The following POLE variants were observed in gnomAD, a reference collection of about 807,000 sequenced individuals.
The protein encoded by POLE is DNA polymerase epsilon catalytic subunit A.
POLE carries 188 observed loss-of-function variants against 279.2 expected under a neutral mutation model. The observed-to-expected ratio is 0.67, with a 90% CI of 0.60 to 0.76. The LOEUF (loss-of-function observed/expected upper bound fraction) is 0.76. Among genes scored for constraint, POLE ranks in the 30% least tolerant of loss-of-function variants. The pLI is 0.00. For missense variants in POLE, 2,703 were observed against 3,016.7 expected, an observed-to-expected ratio of 0.90 and a Z score of 2.44; for synonymous variants, 1,214 against 1,172.5, an observed-to-expected ratio of 1.04 and a Z score of -0.72.
intron 1 of POLE, among the ~76,000 whole-genome samples, chr12:132,685,343 T>C (rs2043236279): frequency 1.3e-5 from 2 of 151,838 alleles, no homozygotes; most frequent in African/African-American, 4.8e-5. Context: ...AGAGCTACCA[T>C]TGACTGGTTA....
At chr12:132,638,877 T>C (rs775962113) in intron 40 of POLE, 7 of 525,572 alleles carry the variant, frequency 1.3e-5, no homozygotes, top group Non-Finnish European at 1.7e-5. Context: ...ATACAATGTG[T>C]AGCATGACTT....
rs778320209 is a variant in POLE at position 132,675,705 on chromosome 12, C to T, written c.1106+30G>A. 1 of 1,598,456 alleles carries T rather than the reference C, an allele frequency of 6.3e-7. No homozygotes were observed. Among genetic ancestry groups the T allele is most frequent in the South Asian group, 1.1e-5 (1 of 90,722 alleles). Reference sequence around the variant, plus strand: ...AACGCCCTCCCTCTCAAATGCTGCCCAGTTACTCATAGAGAAGACACAGAC... The same window carrying T: ...AACGCCCTCCCTCTCAAATGCTGCCTAGTTACTCATAGAGAAGACACAGAC... On this transcript the variant is annotated intron_variant, in intron 11 of 48. Transcript: ENST00000320574. The surrounding 1 kb of genome is among the most constrained non-coding windows in gnomAD (Gnocchi z 4.3).
chr12:132,685,768 C>G (rs531488117), intron 1 of POLE, among the ~76,000 whole-genome samples: 1 of 152,316 alleles, frequency 6.6e-6, no homozygotes, highest in East Asian at 1.9e-4. Flanking sequence ...GGACAGACAG[C>G]GATGAGCACA....
rs2138562173 is a variant in POLE at position 132,643,965 on chromosome 12, G to A, written c.4162C>T (p.Leu1388Phe). Residue 1388 changes from leucine (L) to phenylalanine (F), a missense_variant, in exon 33 of 49, where the codon CTT becomes TTT. Transcript: ENST00000320574. ...GASYRKVNRVLPRSNMVYNLY... is the reference protein window; with the variant it reads ...GASYRKVNRVFPRSNMVYNLY... ...TTGTAGACCATGTTGGAGCGAGGAA[G>A]GACCCGATTTACCTGGCGAGAATAC... The A allele has an allele frequency of 6.2e-7, 1 of 1,613,426 alleles. No individual in the cohort carries two copies. The highest frequency in any genetic ancestry group is 8.5e-7 in the Non-Finnish European group (1 of 1,179,470).
chr12:132,643,567 G>A lies in POLE; in HGVS notation c.4291-7C>T, dbSNP rs1060504076. The A allele has an allele frequency of 2.5e-6, 4 of 1,613,982 alleles. No individual in the cohort carries two copies. The highest frequency in any genetic ancestry group is 3.4e-6 in the Non-Finnish European group (4 of 1,180,002). ...CCCGGAACAGTAACGGAACCTGGAA[G>A]AATCGGGCAGACAGGCCGGCAAGGG... On this transcript the variant is annotated splice_polypyrimidine_tract_variant and splice_region_variant and intron_variant, in intron 33 of 48. Transcript: ENST00000320574.
At position 132,661,207 on chromosome 12, in the gene POLE, G is replaced by C. The variant is rs370533508; in HGVS notation, c.2865-43C>G. The C allele has an allele frequency of 1.4e-5, 21 of 1,518,360 alleles. No homozygotes were observed. The African/African-American group carries it at 2.9e-4, about 21-fold the overall frequency. The allele number at this position is 1,518,360 out of a possible 1,614,324, so 94.1% of individuals were successfully genotyped here. On this transcript the variant is annotated intron_variant, in intron 24 of 48. Coordinates refer to ENST00000320574, the MANE Select transcript of POLE (RefSeq NM_006231.4). This position sits in a 1 kb window ranked among gnomAD's most constrained non-coding sequence, Gnocchi z 4.1. ...GGCAAGCACAGCAGTGGCAAGGAGCGCTGGGGAGCCACCAGCTGTGCCTCA... is the reference window on the plus strand; with the variant it reads ...GGCAAGCACAGCAGTGGCAAGGAGCCCTGGGGAGCCACCAGCTGTGCCTCA...
intron 28 of POLE, 42 bp downstream of exon 28, chr12:132,657,307 A>T: frequency 6.2e-7 from 1 of 1,614,072 alleles, no homozygotes. Context: ...CTAACTGCAC[A>T]GTTTTTAGCC....
chr12:132,646,829 T>C (rs2042295484), intron 32 of POLE, among the ~76,000 whole-genome samples: 1 of 151,900 alleles, frequency 6.6e-6, no homozygotes, highest in Non-Finnish European at 1.5e-5. Context: ...AAACTCCATC[T>C]CAAAACAAAC....
At chr12:132,667,419 G>C (rs2042820889) in intron 20 of POLE, 84 bp downstream of exon 20, 1 of 1,436,116 alleles carries the variant, frequency 7.0e-7, no homozygotes, top group Non-Finnish European at 9.7e-7. Context: ...GAGGATCCCA[G>C]GCAAGGAGCC....
At position 132,677,634 on chromosome 12, in the gene POLE, G is replaced by A. The variant is rs767503360; in HGVS notation, c.664C>T (p.Arg222Cys). ...ADQLDNIVDM[R>C]EYDVPYHIRL... is the part of the protein sequence containing the mutation. The stretch of plus-strand genomic sequence containing the variant: ...ATGTGGTAGGGAACATCGTACTCGC[G>A]CATGTCCACAATGTTGTCCAACTGG... Residue 222 changes from arginine to cysteine, a missense_variant, in exon 7 of 49, where the codon CGC becomes TGC. Physicochemically the swap from Arg to Cys is radical, Grantham distance 180. This residue lies in a region of POLE where 1,011 missense variants were observed against 1,111.7 expected (regional missense o/e 0.91). Coordinates refer to ENST00000320574, the MANE Select transcript of POLE (RefSeq NM_006231.4). 4.3e-6 allele frequency: 7 copies of A among 1,614,008 alleles called. No homozygotes were observed. In the East Asian group the frequency reaches 8.9e-5, roughly 21 times the overall value.
At chr12:132,667,941 G>A (rs1261903856) in intron 19 of POLE, among the ~76,000 whole-genome samples, 4 of 152,136 alleles carry the variant, frequency 2.6e-5, no homozygotes, top group Admixed American at 6.5e-5. Context: ...AAATTAGCTA[G>A]GCATGGTGGC....
At position 132,649,827 on chromosome 12, in the gene POLE, G is replaced by A. The variant is rs758716323; in HGVS notation, c.3645C>T (p.Phe1215=). The change falls in exon 30 of 49, where the codon TTC becomes TTT. Residue 1215 remains phenylalanine (F), a synonymous_variant. Coordinates refer to ENST00000320574, the MANE Select transcript of POLE (RefSeq NM_006231.4). ...PRPSAPDMED[F]GLVKLPHPAA... ...CTGGGTGAGGCAGCTTTACGAGGCCGAAGTCCTCCATGTCAGGAGCACTTG... is the reference window on the plus strand; with the variant it reads ...CTGGGTGAGGCAGCTTTACGAGGCCAAAGTCCTCCATGTCAGGAGCACTTG... 1.5e-5 allele frequency: 24 copies of A among 1,614,004 alleles called. No homozygotes were observed. Among genetic ancestry groups the A allele is most frequent in the Middle Eastern group, 3.3e-4 (2 of 6,084 alleles).
At chr12:132,653,185 C>T (rs1294100674) in intron 29 of POLE, among the ~76,000 whole-genome samples, 1 of 152,154 alleles carries the variant, frequency 6.6e-6, no homozygotes, top group Non-Finnish European at 1.5e-5. Context: ...AGTTTAAGAT[C>T]AGCCTGGGCA....
chr12:132,632,743 A>C lies in POLE; in HGVS notation c.6057T>G (p.Ala2019=). The C allele has an allele frequency of 1.2e-6, 2 of 1,613,282 alleles. No homozygotes were observed. The highest frequency in any genetic ancestry group is 1.1e-5 in the South Asian group (1 of 91,066). ...TCCTCCTCACGGGGGTGCTCCCTGG[A>C]GCACTGCGCCTCAGCCCGTCCTTCA... ...HCMKDGLRRS[A]PGSTPVRRRG... Residue 2019 remains alanine (A), a synonymous_variant, in exon 44 of 49, where the codon GCT becomes GCG. Coordinates refer to ENST00000320574, the MANE Select transcript of POLE (RefSeq NM_006231.4).
In POLE at chr12:132,625,321, C is replaced by G. The variant is rs761336564; in HGVS notation, c.6657+324G>C. On this transcript the variant is annotated intron_variant, in intron 47 of 48. Coordinates refer to ENST00000320574, the MANE Select transcript of POLE (RefSeq NM_006231.4). ...AGCTTGGCGCGTCCCCCAGCCTCTG[C>G]TCAGATGCCCCTCGGCAAGACCTTC... 2.6e-5 allele frequency: 19 copies of G among 725,360 alleles called. No homozygotes were observed. In the Admixed American group the frequency reaches 3.3e-4, roughly 13 times the overall value. 44.9% of individuals were successfully genotyped at this position (725,360 alleles called of 1,614,324 possible).
Position 132,634,061 on chromosome 12 carries a change from T to A in POLE, c.6004+125A>T, listed in dbSNP as rs1363342289. ...CCTCGGCTCACAAAGTCCCAACTGC[T>A]GGGCAGGCTCCGCCCGATCTGATTT... On this transcript the variant is annotated intron_variant, in intron 43 of 48. Coordinates refer to ENST00000320574, the MANE Select transcript of POLE (RefSeq NM_006231.4). The surrounding 1 kb of genome is among the most constrained non-coding windows in gnomAD (Gnocchi z 4.0). 1.0e-5 allele frequency: 9 copies of A among 875,018 alleles called. No individual in the cohort carries two copies. The highest frequency in any genetic ancestry group is 1.6e-5 in the Non-Finnish European group (9 of 561,438). The allele number at this position is 875,018 out of a possible 1,614,324, so 54.2% of individuals were successfully genotyped here. A position where few individuals can be genotyped will look rare whatever the true frequency, so the allele number is the denominator to read the frequency against.
At position 132,661,648 on chromosome 12, in the gene POLE, C is replaced by G. The variant is rs2042684654; in HGVS notation, c.2743G>C (p.Glu915Gln). 3 of 1,614,016 alleles carry G rather than the reference C, an allele frequency of 1.9e-6. No individual in the cohort carries two copies. Among genetic ancestry groups the G allele is most frequent in the African/African-American group, 1.3e-5 (1 of 74,910 alleles). ...GTGACGTAGGTGAGTGAGGACGGCT[C>G]AGCCAGCTCCTGGTACTGGTCATTG... Reference protein sequence around the residue: ...FTNDQYQELAEPSSLTYVTRS... With the variant: ...FTNDQYQELAQPSSLTYVTRS... Residue 915 changes from glutamate to glutamine, a missense_variant, in exon 24 of 49, where the codon GAG becomes CAG. By Grantham distance (29) the Glu-to-Gln change is conservative (BLOSUM62 2). Transcript: ENST00000320574. The surrounding 1 kb of genome is among the most constrained non-coding windows in gnomAD (Gnocchi z 4.1).
rs139374087 is a variant in POLE at position 132,673,020 on chromosome 12, C to T, written c.1473+144G>A. The T allele has an allele frequency of 4.8e-4, 362 of 753,484 alleles. 1 individual carries two copies. In the African/African-American group the frequency reaches 5.8e-3, roughly 12 times the overall value. 46.7% of individuals were successfully genotyped at this position (753,484 alleles called of 1,614,324 possible). On this transcript the variant is annotated intron_variant, in intron 14 of 48. Coordinates refer to ENST00000320574, the MANE Select transcript of POLE (RefSeq NM_006231.4). Reference sequence around the variant, plus strand: ...CCAGGGCCAGAGAATTCCCAAAGGACATCCCTGACGTCACACACCAGAATT... The same window carrying T: ...CCAGGGCCAGAGAATTCCCAAAGGATATCCCTGACGTCACACACCAGAATT...
rs771051323 is a variant in POLE at position 132,681,242 on chromosome 12, G to T, written c.100C>A (p.Arg34Ser). 6.2e-7 allele frequency: 1 copy of T among 1,614,184 alleles called. No individual in the cohort carries two copies. Among genetic ancestry groups the T allele is most frequent in the South Asian group, 1.1e-5 (1 of 91,086 alleles). The change falls in exon 2 of 49, where the codon CGC becomes AGC. Residue 34 changes from arginine to serine, a missense_variant. By Grantham distance (110) the Arg-to-Ser change is moderately radical. Around this residue, in one of 5 missense-constraint regions of POLE, gnomAD observed 1,011 missense variants for 1,111.7 expected, o/e 0.91. Transcript: ENST00000320574. ...TCCGTCCACTGACTCCGTTCCAGGC[G>T]CTTGAGTGCCGAAACTGAGGAAGTG... is the stretch of plus-strand genomic sequence containing the variant. ...GATSSVSALKRLERSQWTDKM... is the reference protein window; with the variant it reads ...GATSSVSALKSLERSQWTDKM...
Sources: allele counts gnomAD v4.1 joint callset (sites outside exome capture counted in the v4.1 genomes callset), GRCh38; gene constraint gnomAD v4.1.1; regional missense constraint gnomAD v4.1.1; non-coding constraint Gnocchi (gnomAD v3.1); transcripts MANE v1.5; gene names NCBI Gene and HGNC (gene_info 2026-07-23, HGNC 2026-07-21).